PSD3: variants seen among roughly 807,000 people sequenced by gnomAD.
The protein encoded by PSD3 is PH and SEC7 domain-containing protein 3.
Under a neutral mutation model 105.5 loss-of-function variants are expected in PSD3, and 49 were observed. The ratio of observed to expected loss-of-function variants is 0.46; its 90% CI spans 0.37 to 0.59. PSD3 has a LOEUF of 0.59. PSD3 is among the 20% of genes least tolerant of loss of function. The pLI is 0.00. For synonymous variants in PSD3, 557 were observed against 457.8 expected (o/e 1.22, Z -2.77); for missense variants, 1,561 against 1,263.8 (o/e 1.24, Z -3.57).
At chr8:18,798,096 G>C (rs114509838) in intron 8 of PSD3, among the ~76,000 whole-genome samples, 175 of 152,254 alleles carry the variant, frequency 1.1e-3, no homozygotes, top group African/African-American at 4.0e-3. Flanking sequence ...TAACAAGCTG[G>C]ATGAACATTA....
intron 15 of PSD3, among the ~76,000 whole-genome samples, chr8:18,542,764 GT>G (rs529511290): frequency 0.015 from 2,216 of 152,246 alleles, 50 homozygotes; most frequent in African/African-American, 0.051. Flanking sequence ...TTGTTGTTTA[GT>G]CTTCATAATG....
At chr8:18,710,293 GGAAAAAAAAT>G (rs1301112180) in intron 9 of PSD3, among the ~76,000 whole-genome samples, 1 of 151,758 alleles carries the variant, frequency 6.6e-6, no homozygotes, top group African/African-American at 2.4e-5. Context: ...AAGATTAGAG[GGAAAAAAAAT>G]GAGAAGGAAT....
At chr8:18,799,211 A>G in intron 8 of PSD3, 84 bp downstream of exon 8, 1 of 1,198,606 alleles carries the variant, frequency 8.3e-7, no homozygotes, top group Non-Finnish European at 1.2e-6. Context: ...GGAAACGGGG[A>G]GGCAGAAAAT....
chr8:18,824,300 A>G (rs1812999514), intron 4 of PSD3, among the ~76,000 whole-genome samples: 1 of 152,240 alleles, frequency 6.6e-6, no homozygotes, highest in South Asian at 2.1e-4. Flanking sequence ...TACCTTCCAC[A>G]GTAAACATTC....
chr8:18,928,647 G>A (rs1256877788), intron 2 of PSD3, among the ~76,000 whole-genome samples: 7 of 152,132 alleles, frequency 4.6e-5, no homozygotes, highest in Non-Finnish European at 7.4e-5. Flanking sequence ...TAGAATGACA[G>A]TCAGTGGGTG....
intron 1 of PSD3, among the ~76,000 whole-genome samples, chr8:19,056,401 T>G (rs1173651044): frequency 6.6e-6 from 1 of 152,144 alleles, no homozygotes; most frequent in African/African-American, 2.4e-5. Flanking sequence ...GAAGTCAGAG[T>G]TTTGACACGT....
At chr8:18,674,887 G>C (rs931633315) in intron 9 of PSD3, among the ~76,000 whole-genome samples, 7 of 152,016 alleles carry the variant, frequency 4.6e-5, no homozygotes, top group Non-Finnish European at 8.8e-5. Context: ...CATGTGCCTA[G>C]TTACTCAGGA....
intron 1 of PSD3, among the ~76,000 whole-genome samples, chr8:19,063,612 T>G (rs561063914): frequency 1.3e-5 from 2 of 152,314 alleles, no homozygotes; most frequent in African/African-American, 4.8e-5. Context: ...ATTAATAGCA[T>G]GTCTGGAGAT....
At chr8:18,865,686 G>A (rs545623511) in intron 4 of PSD3, among the ~76,000 whole-genome samples, 68 of 152,098 alleles carry the variant, frequency 4.5e-4, no homozygotes, top group Non-Finnish European at 7.6e-4. Flanking sequence ...GCCCAGACTC[G>A]GGGAGAGGCA....
chr8:18,822,990 T>C (rs1451967667), intron 4 of PSD3, among the ~76,000 whole-genome samples: 1 of 152,272 alleles, frequency 6.6e-6, no homozygotes, highest in East Asian at 1.9e-4. Flanking sequence ...AATCAGCTCT[T>C]GAAGTTTCAA....
At chr8:18,562,925 GAAAAAGAAAAAA>G (rs1196767488) in intron 14 of PSD3, among the ~76,000 whole-genome samples, 1 of 1,440 alleles carries the variant, frequency 6.9e-4, no homozygotes, top group African/African-American at 9.3e-4. Context: ...AAAAGAAAAA[GAAAAAGAAAAAA>G]CAAAAACAAA....
intron 6 of PSD3, among the ~76,000 whole-genome samples, chr8:18,802,847 G>A (rs1002618722): frequency 3.9e-5 from 6 of 152,186 alleles, no homozygotes; most frequent in Admixed American, 2.6e-4. Flanking sequence ...TGTAAAAAGT[G>A]AGAATCAGTG....
At chr8:18,753,775 CCT>C (rs1321640500) in intron 9 of PSD3, among the ~76,000 whole-genome samples, 1 of 152,058 alleles carries the variant, frequency 6.6e-6, no homozygotes, top group African/African-American at 2.4e-5. Context: ...TTTCACACTC[CCT>C]GTCTCCTTAA....
intron 1 of PSD3, among the ~76,000 whole-genome samples, chr8:18,996,161 G>C (rs905349171): frequency 1.3e-5 from 2 of 151,972 alleles, no homozygotes; most frequent in East Asian, 3.9e-4. Context: ...TTGCTACCTG[G>C]AAACATGGGG....
chr8:18,924,271 T>A (rs1377066822), intron 2 of PSD3, among the ~76,000 whole-genome samples: 1 of 152,162 alleles, frequency 6.6e-6, no homozygotes, highest in Non-Finnish European at 1.5e-5. Context: ...GTGGTACAGC[T>A]AAAATAATGG....
At chr8:18,878,888 A>G (rs754314485) in intron 2 of PSD3, among the ~76,000 whole-genome samples, 8 of 152,208 alleles carry the variant, frequency 5.3e-5, no homozygotes, top group Non-Finnish European at 8.8e-5. Flanking sequence ...AATTGACCAT[A>G]GTGACTGCTG....
At chr8:18,654,920 T>C (rs1056503653) in intron 10 of PSD3, among the ~76,000 whole-genome samples, 2 of 152,270 alleles carry the variant, frequency 1.3e-5, no homozygotes, top group South Asian at 2.1e-4. Context: ...TCTATGATGA[T>C]AGGAAGGAGA....
intron 4 of PSD3, among the ~76,000 whole-genome samples, chr8:18,812,747 G>A (rs1304528756): frequency 6.6e-6 from 1 of 152,184 alleles, no homozygotes; most frequent in African/African-American, 2.4e-5. Flanking sequence ...AGGATGTGAG[G>A]ACACGTGGAG....
intron 9 of PSD3, among the ~76,000 whole-genome samples, chr8:18,700,992 G>C (rs1388047476): frequency 2.6e-5 from 4 of 151,928 alleles, no homozygotes; most frequent in Non-Finnish European, 2.9e-5. Context: ...TTTGAGACAG[G>C]GTGTTACTCT....
Sources: allele counts gnomAD v4.1 joint callset (sites outside exome capture counted in the v4.1 genomes callset), GRCh38; gene constraint gnomAD v4.1.1; transcripts MANE v1.5; gene names NCBI Gene and HGNC (gene_info 2026-07-23, HGNC 2026-07-21).